The following OPCML variants were observed in gnomAD, a reference collection of about 807,000 sequenced individuals.
OPCML encodes opioid binding protein/cell adhesion molecule like.
OPCML carries 13 observed loss-of-function variants against 37.8 expected under a neutral mutation model. That is an observed-to-expected ratio of 0.34 (90% CI 0.22 to 0.55). OPCML has a LOEUF of 0.55. Ranked by LOEUF, OPCML falls within the 20% of genes least tolerant of loss-of-function variation. The pLI, the probability that OPCML is intolerant of heterozygous loss-of-function variation, is 0.91. For missense variants in OPCML, 341 were observed against 435.6 expected, an observed-to-expected ratio of 0.78 and a Z score of 1.93; for synonymous variants, 176 against 168.8, an observed-to-expected ratio of 1.04 and a Z score of -0.33.
chr11:132,469,428 T>C (rs1370987874), intron 4 of OPCML, among the ~76,000 whole-genome samples: 1 of 150,832 alleles, frequency 6.6e-6, no homozygotes, highest in Admixed American at 6.6e-5. Flanking sequence ...TGTATGTGTG[T>C]ATGTGTGTGT....
chr11:132,495,109 A>G (rs1024517903), intron 4 of OPCML, among the ~76,000 whole-genome samples: 2 of 150,006 alleles, frequency 1.3e-5, no homozygotes, highest in African/African-American at 4.9e-5. Flanking sequence ...CTGGATATTC[A>G]TTTTGCACTT....
At chr11:132,511,825 T>C (rs571272376) in intron 4 of OPCML, among the ~76,000 whole-genome samples, 44 of 151,716 alleles carry the variant, frequency 2.9e-4, no homozygotes, top group African/African-American at 1.1e-3. Context: ...AATATAACGT[T>C]TTTAACCTCC....
intron 2 of OPCML, among the ~76,000 whole-genome samples, chr11:132,896,663 G>A (rs2135629): frequency 0.052 from 7,990 of 152,288 alleles, 313 homozygotes; most frequent in Middle Eastern, 0.13. Flanking sequence ...TCCAGTTTGC[G>A]GGAATCTTCA....
At chr11:132,854,382 T>G (rs1941959931) in intron 2 of OPCML, among the ~76,000 whole-genome samples, 1 of 152,190 alleles carries the variant, frequency 6.6e-6, no homozygotes, top group South Asian at 2.1e-4. Context: ...TGCTTTAGCA[T>G]AATTGATTAA....
chr11:133,036,645 T>C (rs1344076823), intron 1 of OPCML, among the ~76,000 whole-genome samples: 2 of 152,204 alleles, frequency 1.3e-5, no homozygotes, highest in African/African-American at 4.8e-5. Context: ...CTATAGAGCA[T>C]ATGAAGCTGA....
intron 6 of OPCML, 166 bp downstream of exon 6, chr11:132,436,493 C>T: frequency 1.1e-6 from 1 of 940,178 alleles, no homozygotes; most frequent in Non-Finnish European, 1.3e-6. Context: ...TCCCAGCCTC[C>T]TCCATTTTTT....
intron 2 of OPCML, among the ~76,000 whole-genome samples, chr11:132,788,895 T>C (rs1400900372): frequency 6.6e-6 from 1 of 151,522 alleles, no homozygotes; most frequent in African/African-American, 2.5e-5. Flanking sequence ...TCATGGCAGC[T>C]TCCCATTGCT....
chr11:133,170,678 A>G (rs1190404263), intron 1 of OPCML, among the ~76,000 whole-genome samples: 1 of 150,906 alleles, frequency 6.6e-6, no homozygotes, highest in Non-Finnish European at 1.5e-5. Context: ...AAAGAAAATG[A>G]TGTGTGTTTA....
At chr11:133,341,861 T>C (rs1443920026) in intron 1 of OPCML, among the ~76,000 whole-genome samples, 1 of 151,812 alleles carries the variant, frequency 6.6e-6, no homozygotes, top group African/African-American at 2.4e-5. Context: ...GAGGTTGCAG[T>C]GAGCCGAGAT....
chr11:133,242,826 G>A (rs1185771836), intron 1 of OPCML, among the ~76,000 whole-genome samples: 1 of 152,286 alleles, frequency 6.6e-6, no homozygotes, highest in African/African-American at 2.4e-5. Flanking sequence ...GTGCAGCTGA[G>A]GGGCTGGCTG....
intron 1 of OPCML, among the ~76,000 whole-genome samples, chr11:133,333,562 C>T (rs1263603558): frequency 6.6e-6 from 1 of 152,170 alleles, no homozygotes; most frequent in Non-Finnish European, 1.5e-5. Flanking sequence ...TTAGGCAATG[C>T]CATCCTAGAC....
chr11:133,154,187 C>T (rs545548380), intron 1 of OPCML, among the ~76,000 whole-genome samples: 88 of 150,748 alleles, frequency 5.8e-4, no homozygotes, highest in African/African-American at 2.1e-3. Context: ...TGCTGTCATT[C>T]CCATCCGCAC....
chr11:133,156,902 C>G (rs1048982492), intron 1 of OPCML, among the ~76,000 whole-genome samples: 2 of 152,174 alleles, frequency 1.3e-5, no homozygotes, highest in Middle Eastern at 3.4e-3. Context: ...CTTGCTGGAG[C>G]TGGACTAAGA....
chr11:133,062,078 A>C (rs1300927497), intron 1 of OPCML, among the ~76,000 whole-genome samples: 1 of 152,212 alleles, frequency 6.6e-6, no homozygotes, highest in Admixed American at 6.5e-5. Context: ...GCCTGGCCTA[A>C]GCTCTGTGTC....
chr11:132,439,908 G>A (rs2136764571), intron 4 of OPCML, among the ~76,000 whole-genome samples: 1 of 152,294 alleles, frequency 6.6e-6, no homozygotes, highest in Non-Finnish European at 1.5e-5. Flanking sequence ...TCCTTAGAGA[G>A]AAGAAAGACC....
chr11:132,714,274 T>C (rs2135957868), intron 2 of OPCML, among the ~76,000 whole-genome samples: 1 of 152,308 alleles, frequency 6.6e-6, no homozygotes, highest in Non-Finnish European at 1.5e-5. Context: ...TTTTTAAAAA[T>C]CTGAATAAAA....
chr11:132,999,175 AT>A (rs979476174), intron 1 of OPCML, among the ~76,000 whole-genome samples: 1 of 152,146 alleles, frequency 6.6e-6, no homozygotes, highest in Non-Finnish European at 1.5e-5. Flanking sequence ...TTCTCAGCTC[AT>A]CATAGGGATG....
chr11:132,740,936 C>T (rs949461636), intron 2 of OPCML, among the ~76,000 whole-genome samples: 1 of 152,136 alleles, frequency 6.6e-6, no homozygotes, highest in African/African-American at 2.4e-5. Flanking sequence ...AGCACCGAAT[C>T]CTTACTCTCA....
rs1049642775 is a variant in OPCML, at chr11:132,514,366, G to A, written c.505+14695C>T. ...AACAGCAATGGACAAAGGCCAGTGC[G>A]ACAGAGCTTGAAGGATCAGTAGCTC... On this transcript the variant is annotated intron_variant, in intron 4 of 7. Transcript: ENST00000524381. 2.0e-5 allele frequency among the ~76,000 whole-genome samples: 3 copies of A among 152,186 alleles called. No homozygotes were observed. In the East Asian group the frequency reaches 5.8e-4, roughly 29 times the overall value.
Sources: allele counts gnomAD v4.1 joint callset (sites outside exome capture counted in the v4.1 genomes callset), GRCh38; gene constraint gnomAD v4.1.1; transcripts MANE v1.5; gene names NCBI Gene and HGNC (gene_info 2026-07-23, HGNC 2026-07-21).